The following GPR107 variants were observed in gnomAD, a reference collection of about 807,000 sequenced individuals.
GPR107 encodes the protein protein GPR107.
A neutral mutation model predicts 75.5 loss-of-function variants in GPR107; 31 were observed. The observed-to-expected ratio is 0.41, with a 90% CI of 0.31 to 0.55. GPR107 has a LOEUF of 0.55. GPR107 is among the 20% of genes least tolerant of loss of function. The pLI, the probability that GPR107 is intolerant of heterozygous loss-of-function variation, is 0.26. For synonymous variants in GPR107, 267 were observed against 251.3 expected (o/e 1.06, Z -0.59); for missense variants, 572 against 665.7 (o/e 0.86, Z 1.55).
chr9:130,130,807 T>C (rs952535538), intron 17 of GPR107, among the ~76,000 whole-genome samples: 3 of 150,304 alleles, frequency 2.0e-5, no homozygotes, highest in Non-Finnish European at 4.4e-5. Flanking sequence ...AAGGCGGAGG[T>C]TGCAGTGTGC....
intron 5 of GPR107, among the ~76,000 whole-genome samples, chr9:130,080,020 A>T (rs950202080): frequency 6.6e-6 from 1 of 152,212 alleles, no homozygotes; most frequent in Non-Finnish European, 1.5e-5. Flanking sequence ...AGCTTGTTTC[A>T]TAAGTCTAGA....
chr9:130,085,754 A>ATTTTTTTTTTTTT lies in GPR107; in HGVS notation c.565-661_565-649dup, dbSNP rs71387311. ...TTACTGTATAAATGGCAATATTTTG[A>ATTTTTTTTTTTTT]TTTTTTTTTTTTTTTTTGCCGGGGG... On this transcript the variant is annotated intron_variant, in intron 6 of 17. Transcript: ENST00000347136. 3.3e-4 allele frequency among the ~76,000 whole-genome samples: 26 copies of ATTTTTTTTTTTTT among 78,654 alleles called. 1 individual carries two copies. The highest frequency in any genetic ancestry group is 5.1e-4 in the South Asian group (1 of 1,962). The allele number at this position is 78,654 out of a possible 152,430, so 51.6% of individuals were successfully genotyped here.
chr9:130,130,400 G>A (rs1211239479), intron 17 of GPR107, among the ~76,000 whole-genome samples: 1 of 152,148 alleles, frequency 6.6e-6, no homozygotes, highest in East Asian at 1.9e-4. Flanking sequence ...TTTCTCCCTG[G>A]GGTTCCCATT....
Position 130,058,470 on chromosome 9 carries a change from C to CT in GPR107, c.141+4410dup, listed in dbSNP as rs763179956. 6.1e-3 allele frequency among the ~76,000 whole-genome samples: 866 copies of CT among 142,824 alleles called. 4 individuals are homozygous for CT. Among genetic ancestry groups the CT allele is most frequent in the Middle Eastern group, 0.014 (4 of 276 alleles). The allele number at this position is 142,824 out of a possible 152,430, so 93.7% of individuals were successfully genotyped here. A position where few individuals can be genotyped will look rare whatever the true frequency, so the allele number is the denominator to read the frequency against. On this transcript the variant is annotated intron_variant, in intron 1 of 17. Transcript: ENST00000347136. ...ATCACAGGATGAGTAGGCTTTTTTT[C>CT]TTTTTTTTTTTTTAGACGGAGTCTC...
At chr9:130,082,952 G>T (rs1015419717) in intron 5 of GPR107, among the ~76,000 whole-genome samples, 3 of 151,734 alleles carry the variant, frequency 2.0e-5, no homozygotes, top group Admixed American at 6.6e-5. Flanking sequence ...ATGGAGTCTC[G>T]CTCTGTCACC....
chr9:130,123,449 G>T (rs1010887605), intron 14 of GPR107, among the ~76,000 whole-genome samples: 4 of 151,540 alleles, frequency 2.6e-5, no homozygotes, highest in Non-Finnish European at 5.9e-5. Context: ...TGATCCACCC[G>T]CCTCGGCCTC....
intron 14 of GPR107, chr9:130,114,706 A>G: frequency 9.6e-7 from 1 of 1,044,360 alleles, no homozygotes; most frequent in Non-Finnish European, 1.2e-6. Context: ...TCTGATCCAT[A>G]TTTGTAGATA....
In GPR107 at chr9:130,103,245, G is replaced by A. The variant is rs747619655; in HGVS notation, c.1132-1175G>A. On this transcript the variant is annotated intron_variant, in intron 12 of 17. Transcript: ENST00000347136. The surrounding 1 kb of genome is among the most constrained non-coding windows in gnomAD (Gnocchi z 4.3). ...TTGCATTAGTTTTAAATGAAATTTC[G>A]GATAATTTGATTCTAAGTCCTGTAT... Among the ~76,000 whole-genome samples, 21 of 152,104 alleles carry A rather than the reference G, an allele frequency of 1.4e-4. No homozygotes were observed. The highest frequency in any genetic ancestry group is 2.2e-4 in the Non-Finnish European group (15 of 68,022).
intron 14 of GPR107, among the ~76,000 whole-genome samples, chr9:130,114,203 T>C (rs897691101): frequency 1.3e-5 from 2 of 151,016 alleles, no homozygotes; most frequent in East Asian, 3.9e-4. Context: ...ACCCTGTCTC[T>C]ACTAAAAATA....
chr9:130,080,447 A>G (rs1195733106), intron 5 of GPR107, among the ~76,000 whole-genome samples: 2 of 151,682 alleles, frequency 1.3e-5, no homozygotes, highest in African/African-American at 4.8e-5. Context: ...AAATCCTAAA[A>G]TGAAAGGCAA....
Position 130,127,466 on chromosome 9 carries a change from C to G in GPR107, c.1357-17C>G, listed in dbSNP as rs372707216. 40 of 1,395,034 alleles carry G rather than the reference C, an allele frequency of 2.9e-5. No homozygotes were observed. The highest frequency in any genetic ancestry group is 3.6e-5 in the Non-Finnish European group (35 of 983,286). The allele number at this position is 1,395,034 out of a possible 1,614,324, so 86.4% of individuals were successfully genotyped here. On this transcript the variant is annotated splice_polypyrimidine_tract_variant and intron_variant, in intron 15 of 17. Transcript: ENST00000347136. ...TTAATGTTGATCTGATTTCCTGTTT[C>G]TTTCCTCCTCATGCAGATTGTGTGT...
intron 17 of GPR107, among the ~76,000 whole-genome samples, chr9:130,130,643 A>G (rs1222154753): frequency 1.3e-5 from 2 of 152,128 alleles, no homozygotes; most frequent in African/African-American, 2.4e-5. Context: ...AGGCCGAGGC[A>G]GGCAGATCAC....
chr9:130,098,887 A>C (rs1830944757), intron 9 of GPR107, among the ~76,000 whole-genome samples: 1 of 152,106 alleles, frequency 6.6e-6, no homozygotes, highest in Non-Finnish European at 1.5e-5. Flanking sequence ...GCACGCCTGT[A>C]ATCCCGGCTA....
chr9:130,101,466 A>T (rs1211638569), intron 12 of GPR107, among the ~76,000 whole-genome samples: 2 of 152,262 alleles, frequency 1.3e-5, no homozygotes, highest in Non-Finnish European at 2.9e-5. Flanking sequence ...AGAGCTGCTG[A>T]CAGTGACAGG....
intron 1 of GPR107, among the ~76,000 whole-genome samples, chr9:130,066,299 CAAGAAA>C (rs1166027616): frequency 2.0e-5 from 3 of 151,722 alleles, no homozygotes; most frequent in Non-Finnish European, 4.4e-5. Flanking sequence ...AACTCTGTCC[CAAGAAA>C]AATAAAAATA....
intron 10 of GPR107, among the ~76,000 whole-genome samples, chr9:130,100,346 T>C (rs989468314): frequency 6.6e-6 from 1 of 152,252 alleles, no homozygotes; most frequent in Admixed American, 6.5e-5. Flanking sequence ...TTGGAACTTA[T>C]GCAAATTAAA....
intron 1 of GPR107, among the ~76,000 whole-genome samples, chr9:130,063,632 C>T (rs1040827683): frequency 6.6e-6 from 1 of 152,030 alleles, no homozygotes; most frequent in African/African-American, 2.4e-5. Context: ...GGCATGTATG[C>T]CAGTGTGCTT....
At chr9:130,127,621 T>C in intron 16 of GPR107, 55 bp downstream of exon 16, 1 of 922,782 alleles carries the variant, frequency 1.1e-6, no homozygotes, top group Non-Finnish European at 1.8e-6. Context: ...GATAAAGTCT[T>C]GAAGTGTAAC....
At position 130,099,455 on chromosome 9, in the gene GPR107, A is replaced by C; in HGVS notation, c.864-2A>C. The stretch of plus-strand genomic sequence containing the variant: ...TTAATTGTTTTCTCTCTGTTTTTAT[A>C]GGAATGATGTATTTAAAATCCACTG... On this transcript the variant is annotated splice_acceptor_variant, in intron 9 of 17. Transcript: ENST00000347136. LOFTEE classifies it high-confidence loss of function. The C allele has an allele frequency of 6.4e-7, 1 of 1,555,966 alleles. No homozygotes were observed. Among genetic ancestry groups the C allele is most frequent in the Non-Finnish European group, 8.9e-7 (1 of 1,127,518 alleles).
Sources: gnomAD v4.1 joint callset for allele counts (sites outside exome capture counted in the v4.1 genomes callset) on GRCh38, gnomAD v4.1.1 for gene constraint, Gnocchi (gnomAD v3.1) non-coding constraint, MANE v1.5 for transcripts, NCBI Gene and HGNC (gene_info 2026-07-23, HGNC 2026-07-21) for gene names.